BRAF: variants seen among roughly 807,000 people sequenced by gnomAD.
The protein encoded by BRAF is B-Raf proto-oncogene, serine/threonine kinase, also known as serine/threonine-protein kinase B-raf.
A neutral mutation model predicts 104.6 loss-of-function variants in BRAF; 16 were observed. The ratio of observed to expected loss-of-function variants is 0.15; its 90% CI spans 0.10 to 0.23. BRAF has a LOEUF of 0.23. BRAF is among the 10% of genes least tolerant of loss of function. The pLI is 1.00. For synonymous variants in BRAF, 310 were observed against 341.6 expected (o/e 0.91, Z 1.02); for missense variants, 541 against 937.3 (o/e 0.58, Z 5.52).
At chr7:140,829,187 G>GT (rs142744497) in intron 3 of BRAF, among the ~76,000 whole-genome samples, 1,691 of 110,684 alleles carry the variant, frequency 0.015, 35 homozygotes, top group African/African-American at 0.044. Context: ...CTCTGTTAAG[G>GT]TTTTTTTTTT....
chr7:140,758,903 G>C (rs921864344), intron 14 of BRAF, among the ~76,000 whole-genome samples: 2 of 152,202 alleles, frequency 1.3e-5, no homozygotes, highest in Admixed American at 6.5e-5. Flanking sequence ...ACCCCAGAAA[G>C]TTTCTTCATA....
intron 1 of BRAF, among the ~76,000 whole-genome samples, chr7:140,895,246 G>GA (rs962903581): frequency 2.6e-5 from 4 of 151,936 alleles, no homozygotes; most frequent in African/African-American, 9.7e-5. Context: ...ATAAATGTAC[G>GA]AAAAAAATCT....
rs1225961113 is a variant in BRAF at position 140,722,862 on chromosome 7, CG to C, written c.*3631del. 1 of 1,054,264 alleles carries C rather than the reference CG, an allele frequency of 9.5e-7. No homozygotes were observed. Among genetic ancestry groups the C allele is most frequent in the African/African-American group, 1.7e-5 (1 of 60,462 alleles). 65.3% of individuals were successfully genotyped at this position (1,054,264 alleles called of 1,614,324 possible). On this transcript the variant is annotated 3_prime_UTR_variant, in exon 20 of 20. Coordinates refer to ENST00000644969, the MANE Select transcript of BRAF (RefSeq NM_001374258.1). The stretch of plus-strand genomic sequence containing the variant: ...AAGATTCTGAAACGTACCCCTAAAC[CG>C]GTTCTGGCACCACTTTCAACAACAT...
chr7:140,840,744 T>C (rs1807873731), intron 2 of BRAF, among the ~76,000 whole-genome samples: 1 of 151,028 alleles, frequency 6.6e-6, no homozygotes. Context: ...TCAGTCGAGA[T>C]GGTGCCCCTG....
At chr7:140,776,537 G>A (rs1029717934) in intron 14 of BRAF, among the ~76,000 whole-genome samples, 2 of 152,030 alleles carry the variant, frequency 1.3e-5, no homozygotes, top group Non-Finnish European at 2.9e-5. Flanking sequence ...CCAAAAATAC[G>A]GGCACTCAGA....
intron 1 of BRAF, among the ~76,000 whole-genome samples, chr7:140,918,098 C>G (rs1817815821): frequency 1.3e-5 from 2 of 152,178 alleles, no homozygotes; most frequent in Non-Finnish European, 2.9e-5. Flanking sequence ...TATGCCAGCA[C>G]AAACCTCTCT....
chr7:140,781,556 T>C lies in BRAF; in HGVS notation c.1552+20A>G, dbSNP rs1800870623. 1 of 1,594,456 alleles carries C rather than the reference T, an allele frequency of 6.3e-7. No individual in the cohort carries two copies. Among genetic ancestry groups the C allele is most frequent in the East Asian group, 2.2e-5 (1 of 44,788 alleles). ...TATCCTATTATGACTTGTCACAATG[T>C]CACCACATTACATACTTACCATGCC... On this transcript the variant is annotated intron_variant, in intron 12 of 19. Transcript: ENST00000644969.
intron 8 of BRAF, among the ~76,000 whole-genome samples, chr7:140,792,551 GT>G (rs1802093592): frequency 6.6e-6 from 1 of 152,028 alleles, no homozygotes; most frequent in Non-Finnish European, 1.5e-5. Flanking sequence ...ACCCCCTTAT[GT>G]AGTGTACTCC....
chr7:140,808,919 C>T lies in BRAF; in HGVS notation c.581G>A (p.Cys194Tyr). 6.2e-7 allele frequency: 1 copy of T among 1,612,358 alleles called. No individual in the cohort carries two copies. Among genetic ancestry groups the T allele is most frequent in the Non-Finnish European group, 8.5e-7 (1 of 1,179,604 alleles). ...ATCCTGAATTCTGTAAACAGCACAG[C>T]ACTCTGGGATTAGACCTCTCATCAT... is the stretch of plus-strand genomic sequence containing the variant. ...ALMMRGLIPE[C>Y]CAVYRIQDGE... Residue 194 changes from cysteine to tyrosine, a missense_variant, in exon 4 of 20, where the codon TGC (cysteine) becomes TAC (tyrosine). Transcript: ENST00000644969.
At chr7:140,899,650 A>G (rs933553117) in intron 1 of BRAF, among the ~76,000 whole-genome samples, 3 of 152,100 alleles carry the variant, frequency 2.0e-5, no homozygotes, top group Admixed American at 2.0e-4. Context: ...TTTTTAATTC[A>G]AATGCCTGCT....
intron 2 of BRAF, among the ~76,000 whole-genome samples, chr7:140,838,971 A>G (rs2129065463): frequency 6.6e-6 from 1 of 152,388 alleles, no homozygotes; most frequent in East Asian, 1.9e-4. Flanking sequence ...ACACTTTAAA[A>G]AAGTGAATAA....
intron 1 of BRAF, among the ~76,000 whole-genome samples, chr7:140,919,829 TG>T (rs1292743901): frequency 1.7e-5 from 2 of 121,034 alleles, no homozygotes; most frequent in African/African-American, 5.0e-5. Flanking sequence ...CAAGTTTTTT[TG>T]TTTTTTTTTT....
At chr7:140,810,473 G>A (rs551254241) in intron 3 of BRAF, among the ~76,000 whole-genome samples, 5 of 152,274 alleles carry the variant, frequency 3.3e-5, no homozygotes, top group Admixed American at 3.3e-4. Context: ...AGGTGGCTGA[G>A]GCACGATAAT....
intron 2 of BRAF, among the ~76,000 whole-genome samples, chr7:140,843,378 A>G (rs1672441164): frequency 6.6e-6 from 1 of 152,234 alleles, no homozygotes; most frequent in South Asian, 2.1e-4. Flanking sequence ...TCAACCAAGT[A>G]TCTGACAACT....
chr7:140,900,462 T>C lies in BRAF; in HGVS notation c.138+24104A>G, dbSNP rs190588544. On this transcript the variant is annotated intron_variant, in intron 1 of 19. Transcript: ENST00000644969. ...CATTTATTTAATATGGTAGGCATTG[T>C]TCCAGCAAGTGTATCCTTTCCCAAC... Among the ~76,000 whole-genome samples, 4 of 152,386 alleles carry C rather than the reference T, an allele frequency of 2.6e-5. No individual in the cohort carries two copies. The East Asian group carries it at 7.7e-4, about 29-fold the overall frequency.
rs973884001 is a variant in BRAF at position 140,724,789 on chromosome 7, CTGATT to C, written c.*1700_*1704del. The stretch of plus-strand genomic sequence containing the variant: ...AGTCCTTGGCTATAGCTTGGTTGGT[CTGATT>C]TGATTTGTGTTCCTAAATTCTGAGT... On this transcript the variant is annotated 3_prime_UTR_variant, in exon 20 of 20. Transcript: ENST00000644969. The C allele has an allele frequency of 2.4e-5, 25 of 1,035,290 alleles. No homozygotes were observed. In the East Asian group the frequency reaches 3.0e-4, roughly 12 times the overall value. 64.1% of individuals were successfully genotyped at this position (1,035,290 alleles called of 1,614,324 possible). A position where few individuals can be genotyped will look rare whatever the true frequency, so the allele number is the denominator to read the frequency against.
chr7:140,805,903 C>T (rs1329713725), intron 5 of BRAF, among the ~76,000 whole-genome samples: 1 of 152,144 alleles, frequency 6.6e-6, no homozygotes, highest in Non-Finnish European at 1.5e-5. Flanking sequence ...CTCTATATGG[C>T]ACTCAGAGCA....
intron 1 of BRAF, among the ~76,000 whole-genome samples, chr7:140,900,003 C>G (rs1020386124): frequency 6.6e-6 from 1 of 152,218 alleles, no homozygotes; most frequent in African/African-American, 2.4e-5. Flanking sequence ...TGAGGGAGCA[C>G]AAAGCAGTCA....
At chr7:140,818,230 C>CA (rs1304449197) in intron 3 of BRAF, among the ~76,000 whole-genome samples, 3 of 151,526 alleles carry the variant, frequency 2.0e-5, no homozygotes, top group Non-Finnish European at 4.4e-5. Flanking sequence ...GCAAATATAA[C>CA]AAAAAATTAG....
Sources: gnomAD v4.1 joint callset for allele counts (sites outside exome capture counted in the v4.1 genomes callset) on GRCh38, gnomAD v4.1.1 for gene constraint, MANE v1.5 for transcripts, NCBI Gene and HGNC (gene_info 2026-07-23, HGNC 2026-07-21) for gene names.